The following PPP1R14C variants were observed in gnomAD, a reference collection of about 807,000 sequenced individuals.
PPP1R14C encodes protein phosphatase 1 regulatory subunit 14C.
PPP1R14C carries 16 observed loss-of-function variants against 20.4 expected under a neutral mutation model. The ratio of observed to expected loss-of-function variants is 0.78; its 90% CI spans 0.53 to 1.19. PPP1R14C has a LOEUF of 1.19. Among genes scored for constraint, PPP1R14C ranks in the 50% most tolerant of loss-of-function variants. PPP1R14C has a pLI of 0.00. For missense variants in PPP1R14C, 211 were observed against 220.1 expected (o/e 0.96, Z 0.26); for synonymous variants, 91 against 91.0 (o/e 1.00, Z 0.00).
intron 1 of PPP1R14C, among the ~76,000 whole-genome samples, chr6:150,158,505 A>G (rs1395398533): frequency 1.3e-5 from 2 of 152,242 alleles, no homozygotes; most frequent in African/African-American, 4.8e-5. Flanking sequence ...GAGTTAAGTG[A>G]TAATAGATAA....
intron 1 of PPP1R14C, among the ~76,000 whole-genome samples, chr6:150,174,293 C>T (rs934129519): frequency 8.5e-5 from 13 of 152,226 alleles, no homozygotes; most frequent in Admixed American, 7.9e-4. Flanking sequence ...GATCTCGGCT[C>T]ACTGCAAGCT....
At chr6:150,221,492 T>C (rs1358545954) in intron 3 of PPP1R14C, among the ~76,000 whole-genome samples, 1 of 152,236 alleles carries the variant, frequency 6.6e-6, no homozygotes, top group Non-Finnish European at 1.5e-5. Context: ...GGTGCTGTTA[T>C]TGATCAAAAT....
chr6:150,147,334 C>A (rs908831469), intron 1 of PPP1R14C, among the ~76,000 whole-genome samples: 2 of 152,042 alleles, frequency 1.3e-5, no homozygotes, highest in Non-Finnish European at 2.9e-5. Context: ...TGCGTGCCAC[C>A]ATGCCCGGCT....
chr6:150,165,144 T>A (rs143788632), intron 1 of PPP1R14C, among the ~76,000 whole-genome samples: 35 of 152,346 alleles, frequency 2.3e-4, no homozygotes, highest in African/African-American at 7.7e-4. Context: ...AGACCTTGTA[T>A]GTTTGGCTCT....
Position 150,151,454 on chromosome 6 carries a change from T to C in PPP1R14C, c.306+7956T>C, listed in dbSNP as rs1246190827. Among the ~76,000 whole-genome samples, 5 of 152,332 alleles carry C rather than the reference T, an allele frequency of 3.3e-5. No homozygotes were observed. The East Asian group carries it at 9.7e-4, about 29-fold the overall frequency. On this transcript the variant is annotated intron_variant, in intron 1 of 3. Coordinates refer to ENST00000361131, the MANE Select transcript of PPP1R14C (RefSeq NM_030949.3). ...TGGAATATGAGTCCCCACTGGTCCC[T>C]GCCACTGCCTTAATCCAGCTCCTTG...
At position 150,250,388 on chromosome 6, in the gene PPP1R14C, G is replaced by A. The variant is rs762698571; in HGVS notation, c.*1568G>A. The A allele has an allele frequency of 2.6e-5, 4 of 152,602 alleles. No individual in the cohort carries two copies. In the South Asian group the frequency reaches 6.2e-4, roughly 24 times the overall value. 9.5% of individuals were successfully genotyped at this position (152,602 alleles called of 1,614,324 possible). ...TTGACATGTGTGGCTTGCACAACAC[G>A]TTAACATGATGGTTTTGCTGTGTCA... On this transcript the variant is annotated 3_prime_UTR_variant, in exon 4 of 4. Transcript: ENST00000361131.
rs997399870 is a variant in PPP1R14C, at chr6:150,201,740, C to T, written c.307-13004C>T. Among the ~76,000 whole-genome samples the T allele has an allele frequency of 3.9e-5, 6 of 152,154 alleles. No homozygotes were observed. Among genetic ancestry groups the T allele is most frequent in the Non-Finnish European group, 8.8e-5 (6 of 68,036 alleles). On this transcript the variant is annotated intron_variant, in intron 1 of 3. Transcript: ENST00000361131. This position sits in a 1 kb window ranked among gnomAD's most constrained non-coding sequence, Gnocchi z 4.2. ...TTTATGGAAGCCAGTTAAGAGGCTC[C>T]TGCTATAGCTTATGCAAAAGATGAT...
chr6:150,210,834 G>T (rs1048066825), intron 1 of PPP1R14C, among the ~76,000 whole-genome samples: 2 of 152,098 alleles, frequency 1.3e-5, no homozygotes, highest in South Asian at 4.1e-4. Context: ...CCAGTTTGCT[G>T]CACTCCTCAC....
chr6:150,167,993 C>CTCTCCTCCCCCTTTCTCCCCTT (rs1777448407), intron 1 of PPP1R14C, among the ~76,000 whole-genome samples: 2 of 1,024 alleles, frequency 2.0e-3, no homozygotes, highest in Admixed American at 0.011. Context: ...CTCCCCTCTT[C>CTCTCCTCCCCCTTTCTCCCCTT]CTCTCCCCCT....
chr6:150,164,549 T>G (rs1460462185), intron 1 of PPP1R14C: 2 of 156,544 alleles, frequency 1.3e-5, no homozygotes, highest in African/African-American at 4.8e-5. Context: ...AAATTCATTT[T>G]TATGTGTGGT....
At chr6:150,247,359 A>T (rs562024103) in intron 3 of PPP1R14C, among the ~76,000 whole-genome samples, 51 of 152,218 alleles carry the variant, frequency 3.4e-4, no homozygotes, top group Non-Finnish European at 6.2e-4. Flanking sequence ...AAACAGGAAG[A>T]CCAGGTAGTT....
At chr6:150,236,005 C>T (rs1778355164) in intron 3 of PPP1R14C, among the ~76,000 whole-genome samples, 1 of 152,114 alleles carries the variant, frequency 6.6e-6, no homozygotes, top group Non-Finnish European at 1.5e-5. Context: ...CTATAATTAC[C>T]TAACCCGGTT....
chr6:150,190,325 T>A (rs914320055), intron 1 of PPP1R14C, among the ~76,000 whole-genome samples: 3 of 151,978 alleles, frequency 2.0e-5, no homozygotes, highest in African/African-American at 7.3e-5. Context: ...AACCCCACTT[T>A]TCTCCACGGC....
chr6:150,167,002 G>A (rs899865347), intron 1 of PPP1R14C, among the ~76,000 whole-genome samples: 8 of 152,044 alleles, frequency 5.3e-5, no homozygotes, highest in African/African-American at 1.7e-4. Flanking sequence ...AGGCCAAGGC[G>A]GGTGAATCCC....
intron 1 of PPP1R14C, among the ~76,000 whole-genome samples, chr6:150,205,956 T>C (rs1777945108): frequency 6.6e-6 from 1 of 152,158 alleles, no homozygotes; most frequent in Admixed American, 6.5e-5. Flanking sequence ...TAACCCATCA[T>C]GCCTCTGAAA....
intron 1 of PPP1R14C, among the ~76,000 whole-genome samples, chr6:150,192,540 C>T (rs899953534): frequency 2.0e-5 from 3 of 152,136 alleles, no homozygotes; most frequent in African/African-American, 7.2e-5. Flanking sequence ...TGGCCTGGTC[C>T]CAAACAGGCC....
At chr6:150,167,372 G>A (rs1228126414) in intron 1 of PPP1R14C, among the ~76,000 whole-genome samples, 11 of 151,878 alleles carry the variant, frequency 7.2e-5, no homozygotes, top group Non-Finnish European at 1.3e-4. Flanking sequence ...CGTCTCGGGG[G>A]GGAAAAAAAC....
chr6:150,230,075 G>A (rs979627667), intron 3 of PPP1R14C, among the ~76,000 whole-genome samples: 10 of 152,154 alleles, frequency 6.6e-5, no homozygotes, highest in African/African-American at 2.4e-4. Context: ...AGTTTTCAGT[G>A]TGATTTTTAA....
At chr6:150,230,760 T>G (rs1778284948) in intron 3 of PPP1R14C, among the ~76,000 whole-genome samples, 1 of 152,218 alleles carries the variant, frequency 6.6e-6, no homozygotes, top group South Asian at 2.1e-4. Context: ...TTTATCTCGT[T>G]TAGCTTTTTA....
Sources: gnomAD v4.1 joint callset for allele counts (sites outside exome capture counted in the v4.1 genomes callset) on GRCh38, gnomAD v4.1.1 for gene constraint, Gnocchi (gnomAD v3.1) non-coding constraint, MANE v1.5 for transcripts, NCBI Gene and HGNC (gene_info 2026-07-23, HGNC 2026-07-21) for gene names.